The following BMPER variants were observed in gnomAD, a reference collection of about 807,000 sequenced individuals.
The protein encoded by BMPER is BMP-binding endothelial regulator protein.
BMPER carries 45 observed loss-of-function variants against 87.3 expected under a neutral mutation model. The ratio of observed to expected loss-of-function variants is 0.52; its 90% CI spans 0.41 to 0.66. The LOEUF (loss-of-function observed/expected upper bound fraction) is 0.66. Ranked by LOEUF, BMPER falls within the 30% of genes least tolerant of loss-of-function variation. The pLI, the probability that BMPER is intolerant of heterozygous loss-of-function variation, is 0.00. For synonymous variants in BMPER, 326 were observed against 316.2 expected (o/e 1.03, Z -0.33); for missense variants, 784 against 867.5 (o/e 0.90, Z 1.21).
intron 13 of BMPER, among the ~76,000 whole-genome samples, chr7:34,112,718 A>G (rs1013955617): frequency 2.0e-5 from 3 of 151,952 alleles, no homozygotes; most frequent in African/African-American, 7.2e-5. Flanking sequence ...TTATAGGATC[A>G]TTTTAAATGC....
chr7:34,107,481 C>T (rs1429743069), intron 13 of BMPER, among the ~76,000 whole-genome samples: 4 of 152,182 alleles, frequency 2.6e-5, no homozygotes, highest in South Asian at 2.1e-4. Flanking sequence ...TGACTAACAT[C>T]CTCCAGGGAC....
intron 6 of BMPER, among the ~76,000 whole-genome samples, chr7:33,994,521 G>C (rs1483726357): frequency 6.6e-6 from 1 of 152,210 alleles, no homozygotes; most frequent in Non-Finnish European, 1.5e-5. Context: ...CCCACTGTCT[G>C]GCGCTCCCTA....
chr7:34,110,702 C>A (rs560167842), intron 13 of BMPER, among the ~76,000 whole-genome samples: 2 of 152,232 alleles, frequency 1.3e-5, no homozygotes, highest in South Asian at 4.2e-4. Context: ...TCTATGGAAG[C>A]CAAAGGTGCA....
chr7:34,049,824 A>T (rs1457972525), intron 7 of BMPER, among the ~76,000 whole-genome samples: 1 of 152,212 alleles, frequency 6.6e-6, no homozygotes, highest in Non-Finnish European at 1.5e-5. Context: ...TATATCTCTG[A>T]TGGACTGATT....
intron 6 of BMPER, among the ~76,000 whole-genome samples, chr7:33,999,562 G>T (rs1786522045): frequency 6.6e-6 from 1 of 152,218 alleles, no homozygotes. Context: ...AATTTATTCA[G>T]ATAAAGTATA....
At chr7:33,907,653 A>G (rs1456802658) in intron 2 of BMPER, among the ~76,000 whole-genome samples, 3 of 152,236 alleles carry the variant, frequency 2.0e-5, no homozygotes, top group Non-Finnish European at 2.9e-5. Flanking sequence ...GAGATGAAAT[A>G]TAGACCTACA....
intron 2 of BMPER, among the ~76,000 whole-genome samples, chr7:33,911,773 A>G (rs970384326): frequency 6.6e-6 from 1 of 152,220 alleles, no homozygotes; most frequent in Non-Finnish European, 1.5e-5. Context: ...GATGTAGCAC[A>G]TAAAGTTTGG....
chr7:33,937,533 T>A, intron 3 of BMPER, 145 bp downstream of exon 3: 1 of 750,004 alleles, frequency 1.3e-6, no homozygotes, highest in South Asian at 1.6e-5. Context: ...TGTGTGTGTG[T>A]GTGTATGTGT....
chr7:34,008,007 ATTAAG>A (rs1263680009), intron 6 of BMPER, among the ~76,000 whole-genome samples: 14 of 152,010 alleles, frequency 9.2e-5, no homozygotes, highest in Admixed American at 7.2e-4. Flanking sequence ...GGTGATAAAT[ATTAAG>A]TTATTTTAGT....
chr7:34,063,379 ATGTGTG>A (rs10537332), intron 11 of BMPER, among the ~76,000 whole-genome samples: 11,845 of 148,998 alleles, frequency 0.079, 686 homozygotes, highest in Admixed American at 0.16. Context: ...GGGTCACTAT[ATGTGTG>A]TGTGTGTGTG....
intron 6 of BMPER, among the ~76,000 whole-genome samples, chr7:33,992,037 G>C (rs1356991389): frequency 3.3e-5 from 5 of 151,478 alleles, no homozygotes; most frequent in Non-Finnish European, 7.4e-5. Flanking sequence ...TTACTTCCCA[G>C]TATGTGGTCA....
At chr7:33,944,595 G>A (rs933074599) in intron 3 of BMPER, among the ~76,000 whole-genome samples, 2 of 152,172 alleles carry the variant, frequency 1.3e-5, no homozygotes, top group African/African-American at 2.4e-5. Context: ...CTAATACAAG[G>A]AAAGTAAGAG....
chr7:34,102,883 A>G (rs1021815467), intron 13 of BMPER, among the ~76,000 whole-genome samples: 4 of 152,130 alleles, frequency 2.6e-5, no homozygotes, highest in African/African-American at 9.7e-5. Context: ...TGGAGAGCAA[A>G]GCTGGCCTCT....
At chr7:34,068,443 G>A (rs1585797717) in intron 11 of BMPER, among the ~76,000 whole-genome samples, 2 of 152,210 alleles carry the variant, frequency 1.3e-5, no homozygotes, top group African/African-American at 4.8e-5. Flanking sequence ...CCAATTAACA[G>A]TGTTGTCCCT....
intron 2 of BMPER, among the ~76,000 whole-genome samples, chr7:33,928,321 G>T (rs1347821858): frequency 6.6e-6 from 1 of 152,096 alleles, no homozygotes; most frequent in Non-Finnish European, 1.5e-5. Context: ...CAGGGCCCAC[G>T]GGGCTCGATC....
intron 13 of BMPER, among the ~76,000 whole-genome samples, chr7:34,100,397 G>T (rs1789648659): frequency 1.3e-5 from 2 of 152,172 alleles, no homozygotes; most frequent in African/African-American, 4.8e-5. Flanking sequence ...AGCTAAAAAG[G>T]ATGGGTAGGA....
At chr7:33,943,984 A>G (rs867048699) in intron 3 of BMPER, among the ~76,000 whole-genome samples, 13 of 152,200 alleles carry the variant, frequency 8.5e-5, no homozygotes, top group African/African-American at 2.4e-4. Context: ...AAGCACTGAC[A>G]GTTGTCAACA....
chr7:34,062,479 TCATCAC>T (rs1162377594), intron 11 of BMPER, among the ~76,000 whole-genome samples: 4 of 92,992 alleles, frequency 4.3e-5, no homozygotes, highest in African/African-American at 1.7e-4. Flanking sequence ...CACCCCCACC[TCATCAC>T]CATGTCACCT....
intron 2 of BMPER, 106 bp downstream of exon 2, chr7:33,907,009 C>A: frequency 9.4e-7 from 1 of 1,060,848 alleles, no homozygotes; most frequent in Non-Finnish European, 1.4e-6. Context: ...TTTATCATTA[C>A]AAAATTGCAC....
Sources: gnomAD v4.1 joint callset for allele counts (sites outside exome capture counted in the v4.1 genomes callset) on GRCh38, gnomAD v4.1.1 for gene constraint, MANE v1.5 for transcripts, NCBI Gene and HGNC (gene_info 2026-07-23, HGNC 2026-07-21) for gene names.